The following RUNX2 variants were observed in gnomAD, a reference collection of about 807,000 sequenced individuals.
RUNX2 encodes the protein RUNX family transcription factor 2.
RUNX2 carries 10 observed loss-of-function variants against 51.7 expected under a neutral mutation model. The ratio of observed to expected loss-of-function variants is 0.19; its 90% CI spans 0.12 to 0.33. The LOEUF is 0.33. RUNX2 is among the 10% of genes least tolerant of loss of function. The pLI is 1.00. For missense variants in RUNX2, 562 were observed against 691.3 expected (o/e 0.81, Z 2.10); for synonymous variants, 276 against 273.6 (o/e 1.01, Z -0.09).
rs67652614 is a variant in RUNX2 at position 45,458,022 on chromosome 6, A to ATTTTTTTT, written c.685+19980_685+19987dup. Among the ~76,000 whole-genome samples, 807 of 137,666 alleles carry ATTTTTTTT rather than the reference A, an allele frequency of 5.9e-3. 24 individuals are homozygous for ATTTTTTTT. Among genetic ancestry groups the ATTTTTTTT allele is most frequent in the African/African-American group, 0.021 (757 of 35,552 alleles). The allele number at this position is 137,666 out of a possible 152,430, so 90.3% of individuals were successfully genotyped here. A position where few individuals can be genotyped will look rare whatever the true frequency, so the allele number is the denominator to read the frequency against. ...ATGCAATGATAAATTCTGGGATAGG[A>ATTTTTTTT]TTTTTTTTTTTTTTTTGACAGAGTT... is the stretch of plus-strand genomic sequence containing the variant. On this transcript the variant is annotated intron_variant, in intron 5 of 8. Transcript: ENST00000647337.
intron 4 of RUNX2, 98 bp downstream of exon 4, chr6:45,432,117 T>C (rs1798558851): frequency 8.7e-7 from 1 of 1,151,914 alleles, no homozygotes; most frequent in East Asian, 2.5e-5. Flanking sequence ...ACCTTCTTTT[T>C]CTGAATAGAA....
intron 2 of RUNX2, among the ~76,000 whole-genome samples, chr6:45,358,475 C>T (rs947676677): frequency 4.6e-5 from 7 of 152,052 alleles, no homozygotes; most frequent in African/African-American, 1.4e-4. Context: ...GAAATTCTTC[C>T]CATTAAATTG....
intron 2 of RUNX2, among the ~76,000 whole-genome samples, chr6:45,392,045 T>C (rs917888065): frequency 6.6e-6 from 1 of 152,186 alleles, no homozygotes; most frequent in African/African-American, 2.4e-5. Flanking sequence ...TTTATACTTG[T>C]TTCCAATCAG....
At chr6:45,340,707 C>A (rs1314351763) in intron 2 of RUNX2, among the ~76,000 whole-genome samples, 2 of 152,002 alleles carry the variant, frequency 1.3e-5, no homozygotes, top group African/African-American at 2.4e-5. Flanking sequence ...TTAATGTCCA[C>A]AATACACATA....
chr6:45,444,334 C>T (rs1171415499), intron 5 of RUNX2, among the ~76,000 whole-genome samples: 3 of 152,202 alleles, frequency 2.0e-5, no homozygotes, highest in Non-Finnish European at 4.4e-5. Flanking sequence ...TACTTCCTGC[C>T]AGGGCACTGG....
intron 7 of RUNX2, among the ~76,000 whole-genome samples, chr6:45,522,768 G>A (rs1418048002): frequency 6.6e-6 from 1 of 152,210 alleles, no homozygotes; most frequent in Non-Finnish European, 1.5e-5. Flanking sequence ...GGAAGTACTA[G>A]CATTCAGTAG....
At chr6:45,355,474 T>C (rs1792986899) in intron 2 of RUNX2, among the ~76,000 whole-genome samples, 2 of 152,108 alleles carry the variant, frequency 1.3e-5, no homozygotes, top group Non-Finnish European at 2.9e-5. Flanking sequence ...TGGGGGTTAA[T>C]TGTTCCTAAA....
intron 2 of RUNX2, among the ~76,000 whole-genome samples, chr6:45,335,247 T>A (rs1788320849): frequency 6.6e-6 from 1 of 151,236 alleles, no homozygotes. Context: ...TAATTTTAAG[T>A]GAAAAGATAT....
chr6:45,412,116 G>A (rs1797962884), intron 2 of RUNX2, among the ~76,000 whole-genome samples: 1 of 151,416 alleles, frequency 6.6e-6, no homozygotes, highest in South Asian at 2.1e-4. Context: ...GAGAGGCCAA[G>A]GCCAGAAAAT....
chr6:45,338,210 A>G (rs1342264041), intron 2 of RUNX2, among the ~76,000 whole-genome samples: 1 of 152,030 alleles, frequency 6.6e-6, no homozygotes, highest in African/African-American at 2.4e-5. Flanking sequence ...ATAATTCACA[A>G]TATTATGCTT....
chr6:45,510,995 T>C (rs1337079440), intron 6 of RUNX2, among the ~76,000 whole-genome samples: 2 of 152,206 alleles, frequency 1.3e-5, no homozygotes, highest in East Asian at 1.9e-4. Context: ...TCCGTGCATA[T>C]TCTAAGATAC....
chr6:45,356,758 G>C (rs1251386565), intron 2 of RUNX2, among the ~76,000 whole-genome samples: 1 of 152,062 alleles, frequency 6.6e-6, no homozygotes, highest in Non-Finnish European at 1.5e-5. Context: ...CTCACATCTA[G>C]AGATAATCAA....
intron 3 of RUNX2, among the ~76,000 whole-genome samples, chr6:45,424,123 A>T (rs1321076): frequency 1.3e-5 from 2 of 152,322 alleles, no homozygotes; most frequent in South Asian, 4.1e-4. Flanking sequence ...CGCGCCCCGC[A>T]GACTCTTGTG....
At chr6:45,543,959 C>T (rs935698017) in intron 7 of RUNX2, among the ~76,000 whole-genome samples, 13 of 150,442 alleles carry the variant, frequency 8.6e-5, no homozygotes, top group Non-Finnish European at 4.4e-5. Flanking sequence ...TAAGGGATCT[C>T]GTATGGTACT....
chr6:45,549,877 G>C lies in RUNX2; in HGVS notation c.*2572G>C, dbSNP rs939345443. The stretch of plus-strand genomic sequence containing the variant: ...CACTTTAGAAGCTTTTTTTCCTTGG[G>C]AAAAATTCAAGCACTTCTTCCCTCC... On this transcript the variant is annotated 3_prime_UTR_variant, in exon 9 of 9. Coordinates refer to ENST00000647337, the MANE Select transcript of RUNX2 (RefSeq NM_001024630.4). 2 of 152,614 alleles carry C rather than the reference G, an allele frequency of 1.3e-5. No homozygotes were observed. Among genetic ancestry groups the C allele is most frequent in the Admixed American group, 1.3e-4 (2 of 15,272 alleles). The allele number at this position is 152,614 out of a possible 1,614,324, so 9.5% of individuals were successfully genotyped here.
Position 45,549,241 on chromosome 6 carries a change from C to G in RUNX2, c.*1936C>G, listed in dbSNP as rs1582235047. ...GTCAGGGTCCCTTCATTGGAATCCT[C>G]CACCCACCCAAGCAGAATTTAGCAG... On this transcript the variant is annotated 3_prime_UTR_variant, in exon 9 of 9. Coordinates refer to ENST00000647337, the MANE Select transcript of RUNX2 (RefSeq NM_001024630.4). The G allele has an allele frequency of 1.8e-5, 7 of 398,504 alleles. No homozygotes were observed. The East Asian group carries it at 2.5e-4, about 14-fold the overall frequency. 24.7% of individuals were successfully genotyped at this position (398,504 alleles called of 1,614,324 possible). A position where few individuals can be genotyped will look rare whatever the true frequency, so the allele number is the denominator to read the frequency against.
intron 3 of RUNX2, among the ~76,000 whole-genome samples, chr6:45,427,260 C>A (rs754948671): frequency 6.5e-4 from 98 of 151,716 alleles, no homozygotes; most frequent in Non-Finnish European, 1.1e-3. Flanking sequence ...TTATTTTTTC[C>A]TCTTTGGCAT....
intron 7 of RUNX2, among the ~76,000 whole-genome samples, chr6:45,528,028 G>T (rs1801724362): frequency 6.6e-6 from 1 of 152,134 alleles, no homozygotes; most frequent in Admixed American, 6.5e-5. Context: ...GAGGAGAAAG[G>T]CACATCTTAC....
intron 5 of RUNX2, among the ~76,000 whole-genome samples, chr6:45,465,052 C>CTTTAGA (rs1191595719): frequency 2.0e-5 from 3 of 152,182 alleles, no homozygotes; most frequent in Non-Finnish European, 4.4e-5. Flanking sequence ...TGGGGAAATA[C>CTTTAGA]TTTAGAATTT....
Sources: gnomAD v4.1 joint callset for allele counts (sites outside exome capture counted in the v4.1 genomes callset) on GRCh38, gnomAD v4.1.1 for gene constraint, MANE v1.5 for transcripts, NCBI Gene and HGNC (gene_info 2026-07-23, HGNC 2026-07-21) for gene names.